DOCK4: variants seen among roughly 807,000 people sequenced by gnomAD.
The protein encoded by DOCK4 is dedicator of cytokinesis 4, also known as dedicator of cytokinesis protein 4.
Under a neutral mutation model 268.1 loss-of-function variants are expected in DOCK4, and 97 were observed. The observed-to-expected ratio is 0.36, with a 90% CI of 0.31 to 0.43. The LOEUF (loss-of-function observed/expected upper bound fraction) is 0.43, where lower values mean the gene tolerates loss of function less well. DOCK4 is among the 20% of genes least tolerant of loss of function. The pLI is 1.00. For synonymous variants in DOCK4, 954 were observed against 887.2 expected, an observed-to-expected ratio of 1.08 and a Z score of -1.34; for missense variants, 2,145 against 2,455.7, an observed-to-expected ratio of 0.87 and a Z score of 2.67.
At chr7:112,095,302 C>T (rs754885936) in intron 1 of DOCK4, among the ~76,000 whole-genome samples, 1 of 151,940 alleles carries the variant, frequency 6.6e-6, no homozygotes, top group African/African-American at 2.4e-5. Context: ...AAAATAAAAG[C>T]CTTAAGAGGG....
chr7:112,054,331 AT>A (rs149836069), intron 1 of DOCK4, among the ~76,000 whole-genome samples: 4,828 of 152,170 alleles, frequency 0.032, 286 homozygotes, highest in African/African-American at 0.11. Flanking sequence ...CTGCTCTACA[AT>A]TTCAAAATGA....
intron 1 of DOCK4, among the ~76,000 whole-genome samples, chr7:112,057,872 T>C (rs1267694555): frequency 6.6e-6 from 1 of 151,652 alleles, no homozygotes; most frequent in African/African-American, 2.4e-5. Flanking sequence ...TTTATAAAAC[T>C]AAAAAAAATT....
At chr7:112,066,581 T>TATACACACGTGTGTATAC (rs1412502708) in intron 1 of DOCK4, among the ~76,000 whole-genome samples, 2 of 118,286 alleles carry the variant, frequency 1.7e-5, no homozygotes, top group South Asian at 2.9e-4. Flanking sequence ...TGTGTATATG[T>TATACACACGTGTGTATAC]ATATATACAC....
chr7:111,959,377 A>G (rs762164049), intron 8 of DOCK4, among the ~76,000 whole-genome samples: 11 of 152,180 alleles, frequency 7.2e-5, no homozygotes, highest in Non-Finnish European at 1.6e-4. Flanking sequence ...AGCTGATTTT[A>G]TAACATGAAG....
chr7:111,770,134 C>T (rs1035029116), intron 36 of DOCK4, among the ~76,000 whole-genome samples: 9 of 148,128 alleles, frequency 6.1e-5, no homozygotes, highest in African/African-American at 2.2e-4. Flanking sequence ...TAATAAAGGG[C>T]TGAAAAATCG....
At chr7:111,874,667 C>T (rs1017683178) in intron 17 of DOCK4, among the ~76,000 whole-genome samples, 1 of 152,192 alleles carries the variant, frequency 6.6e-6, no homozygotes, top group African/African-American at 2.4e-5. Context: ...ACATTCCATT[C>T]AACAGGCATT....
chr7:112,107,867 G>A (rs1811270304), intron 1 of DOCK4, among the ~76,000 whole-genome samples: 2 of 152,224 alleles, frequency 1.3e-5, no homozygotes, highest in African/African-American at 4.8e-5. Flanking sequence ...TGTGACCAAG[G>A]AAGACAGGGC....
At position 111,877,157 on chromosome 7, in the gene DOCK4, A is replaced by G; in HGVS notation, c.1617T>C (p.Thr539=). The part of the protein sequence containing the change: ...KCEENTNLQD[T]TRYLKLPFSK... ...AAAAGGGAAGTTTGAGGTAGCGGGT[A>G]GTATCCTGAAGATTTGTGTTTTCTT... The change falls in exon 17 of 53, where the codon ACT becomes ACC. Residue 539 remains threonine (T), a synonymous_variant. Coordinates refer to ENST00000428084, the MANE Select transcript of DOCK4 (RefSeq NM_001363540.2). The G allele has an allele frequency of 6.5e-7, 1 of 1,549,764 alleles. No individual in the cohort carries two copies. Among genetic ancestry groups the G allele is most frequent in the Non-Finnish European group, 8.7e-7 (1 of 1,150,494 alleles).
In DOCK4 at chr7:111,793,250, T is replaced by C. The variant is rs188143556; in HGVS notation, c.3167-2645A>G. Among the ~76,000 whole-genome samples, 9 of 152,356 alleles carry C rather than the reference T, an allele frequency of 5.9e-5. No homozygotes were observed. In the East Asian group the frequency reaches 1.7e-3, roughly 29 times the overall value. On this transcript the variant is annotated intron_variant, in intron 30 of 52. Transcript: ENST00000428084. ...TGAAGGGCCATGTTGCAATGCTGCA[T>C]ATGCTACCAGTGTGAGAGAAGAGAA...
chr7:111,866,884 G>A (rs923885244), intron 22 of DOCK4, among the ~76,000 whole-genome samples: 1 of 152,224 alleles, frequency 6.6e-6, no homozygotes, highest in African/African-American at 2.4e-5. Flanking sequence ...CTGAAGGAAT[G>A]CATGGTTAGC....
intron 50 of DOCK4, among the ~76,000 whole-genome samples, chr7:111,736,647 G>A (rs1339390695): frequency 6.6e-6 from 1 of 152,190 alleles, no homozygotes; most frequent in Admixed American, 6.5e-5. Flanking sequence ...AGGAGGCATT[G>A]CCTGGGTGAC....
At chr7:111,841,202 T>C (rs1224095699) in intron 25 of DOCK4, among the ~76,000 whole-genome samples, 1 of 152,128 alleles carries the variant, frequency 6.6e-6, no homozygotes, top group Non-Finnish European at 1.5e-5. Flanking sequence ...TCTCACTCTG[T>C]CACCTAGGCT....
intron 30 of DOCK4, among the ~76,000 whole-genome samples, chr7:111,800,898 A>C (rs1241723404): frequency 6.6e-6 from 1 of 152,216 alleles, no homozygotes; most frequent in African/African-American, 2.4e-5. Flanking sequence ...GGAATAATAC[A>C]GGAGTTATTA....
intron 6 of DOCK4, among the ~76,000 whole-genome samples, chr7:111,985,462 T>C (rs748721005): frequency 9.9e-5 from 15 of 152,176 alleles, no homozygotes; most frequent in Non-Finnish European, 1.6e-4. Flanking sequence ...CACAGCTTTC[T>C]TACTTTCGTA....
intron 8 of DOCK4, among the ~76,000 whole-genome samples, chr7:111,951,661 A>AAAG (rs1014926889): frequency 1.9e-4 from 28 of 150,746 alleles, no homozygotes; most frequent in Non-Finnish European, 3.4e-4. Context: ...AAAAAAAAAA[A>AAAG]AAGAAGAAGA....
At chr7:111,779,209 C>T (rs746767221) in intron 35 of DOCK4, among the ~76,000 whole-genome samples, 13 of 152,020 alleles carry the variant, frequency 8.6e-5, no homozygotes, top group Middle Eastern at 3.4e-3. Context: ...ATTTCCTATG[C>T]GTTGGACTTC....
rs1382459029 is a variant in DOCK4, at chr7:111,760,140, A to G, written c.4162+41T>C. 3.7e-6 allele frequency: 6 copies of G among 1,603,646 alleles called. No individual in the cohort carries two copies. The Admixed American group carries it at 8.4e-5, about 22-fold the overall frequency. ...TGGAAATGCTCTGCAGCTAAGAGCC[A>G]GTGCAATCTCACTGAGTCCAGCCCT... On this transcript the variant is annotated intron_variant, in intron 40 of 52. Transcript: ENST00000428084.
intron 23 of DOCK4, among the ~76,000 whole-genome samples, chr7:111,855,999 G>C (rs1804977116): frequency 6.6e-6 from 1 of 152,158 alleles, no homozygotes; most frequent in South Asian, 2.1e-4. Flanking sequence ...GGAAGAGTGA[G>C]GAGGCCCGTT....
chr7:111,903,509 C>T (rs1791317048), intron 13 of DOCK4, among the ~76,000 whole-genome samples: 1 of 152,190 alleles, frequency 6.6e-6, no homozygotes, highest in African/African-American at 2.4e-5. Flanking sequence ...TCTGTTTTAA[C>T]TATTTCCATT....
Sources: gnomAD v4.1 joint callset for allele counts (sites outside exome capture counted in the v4.1 genomes callset) on GRCh38, gnomAD v4.1.1 for gene constraint, MANE v1.5 for transcripts, NCBI Gene and HGNC (gene_info 2026-07-23, HGNC 2026-07-21) for gene names.